Variants in AFG2A observed in about 807,000 individuals in gnomAD.
AFG2A encodes ATPase family gene 2 protein homolog A.
At chr4:123,198,672 G>T in the AFG2A span, among the ~76,000 whole-genome samples, 1 of 152,044 alleles carries the variant, frequency 6.6e-6, no homozygotes, top group Admixed American at 6.5e-5. Flanking sequence ...TTGAAGCTAG[G>T]ACTTAATCCT....
chr4:123,229,080 A>T, the AFG2A span, among the ~76,000 whole-genome samples: 40 of 150,518 alleles, frequency 2.7e-4, no homozygotes, highest in Admixed American at 1.3e-3. Context: ...ATGATATATT[A>T]AAAAAAACCA....
chr4:123,227,502 T>G, the AFG2A span, among the ~76,000 whole-genome samples: 1 of 152,128 alleles, frequency 6.6e-6, no homozygotes, highest in Non-Finnish European at 1.5e-5. Flanking sequence ...TTGTTCAGTT[T>G]CCATGTAGTT....
At chr4:123,052,584 CCTT>C in the AFG2A span, among the ~76,000 whole-genome samples, 3 of 152,156 alleles carry the variant, frequency 2.0e-5, no homozygotes, top group South Asian at 4.1e-4. Flanking sequence ...TTGTGCCTGT[CCTT>C]CTTTAGAGAC....
chr4:123,307,731 C>CAGAT, the AFG2A span, among the ~76,000 whole-genome samples: 7 of 152,114 alleles, frequency 4.6e-5, no homozygotes, highest in Non-Finnish European at 8.8e-5. Flanking sequence ...AACAATGGAC[C>CAGAT]AGATACATAA....
the AFG2A span, chr4:122,947,353 C>G: frequency 1.2e-6 from 2 of 1,614,122 alleles, no homozygotes; most frequent in Non-Finnish European, 1.7e-6. Flanking sequence ...TCCCAATGCT[C>G]AGGACCGGCT....
At chr4:123,258,976 C>T in the AFG2A span, among the ~76,000 whole-genome samples, 5 of 150,888 alleles carry the variant, frequency 3.3e-5, no homozygotes, top group Non-Finnish European at 5.9e-5. Flanking sequence ...AAGCAATTCT[C>T]CTGCCTCAGC....
At chr4:123,099,531 G>A in the AFG2A span, among the ~76,000 whole-genome samples, 3 of 145,518 alleles carry the variant, frequency 2.1e-5, no homozygotes, top group African/African-American at 7.6e-5. Context: ...GAGCCACAGA[G>A]TTTTTTTTTT....
At chr4:123,274,386 A>C in the AFG2A span, among the ~76,000 whole-genome samples, 2 of 151,560 alleles carry the variant, frequency 1.3e-5, no homozygotes, top group Non-Finnish European at 2.9e-5. Flanking sequence ...TTTTTTTTAA[A>C]GAAATAGTAC....
the AFG2A span, among the ~76,000 whole-genome samples, chr4:123,098,425 T>C: frequency 6.6e-6 from 1 of 151,998 alleles, no homozygotes; most frequent in East Asian, 1.9e-4. Flanking sequence ...TACAATATAT[T>C]GTTAACGATA....
the AFG2A span, among the ~76,000 whole-genome samples, chr4:122,999,656 C>A: frequency 6.6e-6 from 1 of 152,222 alleles, no homozygotes; most frequent in Admixed American, 6.5e-5. Context: ...CTGTTCTGTT[C>A]CATTGATCTA....
the AFG2A span, among the ~76,000 whole-genome samples, chr4:123,187,957 C>G: frequency 1.3e-4 from 20 of 150,488 alleles, no homozygotes; most frequent in East Asian, 7.8e-4. Context: ...ATGATCATAC[C>G]ACTGTACTTT....
chr4:123,089,079 G>A, the AFG2A span, among the ~76,000 whole-genome samples: 138,169 of 152,150 alleles, frequency 0.91, 62,966 homozygotes, highest in East Asian at 0.98. Context: ...TACTGGAGAA[G>A]ACCATGTTAA....
At chr4:123,208,937 C>G in the AFG2A span, among the ~76,000 whole-genome samples, 7 of 152,204 alleles carry the variant, frequency 4.6e-5, no homozygotes, top group East Asian at 1.2e-3. Flanking sequence ...AGGGTGGGGT[C>G]ACAGGAGAGA....
the AFG2A span, among the ~76,000 whole-genome samples, chr4:123,266,047 TAACTCTGTA>T: frequency 1.3e-5 from 2 of 152,058 alleles, no homozygotes; most frequent in Non-Finnish European, 2.9e-5. Flanking sequence ...AGCATGCTGT[TAACTCTGTA>T]GCATAGATTC....
chr4:122,931,585 TTTTC>T, the AFG2A span, among the ~76,000 whole-genome samples: 1 of 152,170 alleles, frequency 6.6e-6, no homozygotes, highest in Non-Finnish European at 1.5e-5. Flanking sequence ...GTAGATTTTA[TTTTC>T]TTTATTTTAC....
At chr4:122,974,418 T>C in the AFG2A span, among the ~76,000 whole-genome samples, 5 of 152,078 alleles carry the variant, frequency 3.3e-5, no homozygotes, top group African/African-American at 1.2e-4. Flanking sequence ...CCATTTATGT[T>C]AGATATTTTA....
At chr4:123,170,087 C>T in the AFG2A span, among the ~76,000 whole-genome samples, 1 of 152,096 alleles carries the variant, frequency 6.6e-6, no homozygotes, top group Non-Finnish European at 1.5e-5. Flanking sequence ...TCTGTCATTC[C>T]CATCATCTAA....
the AFG2A span, among the ~76,000 whole-genome samples, chr4:123,099,589 T>G: frequency 6.6e-6 from 1 of 151,766 alleles, no homozygotes; most frequent in East Asian, 1.9e-4. Context: ...GAAGATACAT[T>G]ATAAGTCGTA....
chr4:122,936,935 G>A, the AFG2A span, among the ~76,000 whole-genome samples: 3 of 152,154 alleles, frequency 2.0e-5, no homozygotes, highest in Admixed American at 6.6e-5. Flanking sequence ...AGTTGAGATC[G>A]TGCCATTGCA....
Sources: gnomAD v4.1 joint callset for allele counts (sites outside exome capture counted in the v4.1 genomes callset) on GRCh38, gnomAD v4.1.1 for gene constraint, MANE v1.5 for transcripts, NCBI Gene and HGNC (gene_info 2026-07-23, HGNC 2026-07-21) for gene names.